Variants in WBP2NL observed in about 807,000 individuals in gnomAD.
The protein encoded by WBP2NL is postacrosomal sheath WW domain-binding protein.
WBP2NL carries 27 observed loss-of-function variants against 23.3 expected under a neutral mutation model. That is an observed-to-expected ratio of 1.16 (90% CI 0.85 to 1.60). The LOEUF (loss-of-function observed/expected upper bound fraction) is 1.60. WBP2NL is among the 40% of genes most tolerant of loss of function. The probability of loss-of-function intolerance (pLI) is 0.00; values close to 1 mark genes in which losing one functional copy is unlikely to be tolerated. For synonymous variants in WBP2NL, 151 were observed against 145.9 expected, an observed-to-expected ratio of 1.03 and a Z score of -0.25; for missense variants, 370 against 389.5, an observed-to-expected ratio of 0.95 and a Z score of 0.42.
intron 8 of WBP2NL, among the ~76,000 whole-genome samples, chr22:42,042,142 G>A (rs1370635900): frequency 6.6e-6 from 1 of 152,166 alleles, no homozygotes; most frequent in African/African-American, 2.4e-5. Context: ...TCTTGTTGTA[G>A]ACTTGTGTTC....
intron 2 of WBP2NL, 26 bp downstream of exon 2, chr22:42,019,445 G>C (rs1295754945): frequency 6.3e-7 from 1 of 1,599,768 alleles, no homozygotes; most frequent in Non-Finnish European, 8.5e-7. Flanking sequence ...ACTTTAATCT[G>C]CTGATTAACT....
chr22:42,044,075 G>A (rs1161991689), intron 8 of WBP2NL, among the ~76,000 whole-genome samples: 1 of 152,254 alleles, frequency 6.6e-6, no homozygotes, highest in South Asian at 2.1e-4. Flanking sequence ...TTCCTTCTCT[G>A]TTGCCTCAGA....
intron 8 of WBP2NL, among the ~76,000 whole-genome samples, chr22:42,056,133 A>T (rs1926019358): frequency 6.6e-6 from 1 of 152,028 alleles, no homozygotes; most frequent in Admixed American, 6.6e-5. Flanking sequence ...TTTGTGTTAG[A>T]CATTTTATTT....
In WBP2NL at chr22:42,054,159, T is replaced by C. The variant is rs185311855; in HGVS notation, c.*274-4131T>C. Among the ~76,000 whole-genome samples the C allele has an allele frequency of 5.2e-3, 785 of 152,106 alleles. 3 individuals are homozygous for C. Among genetic ancestry groups the C allele is most frequent in the Non-Finnish European group, 8.2e-3 (555 of 67,984 alleles). ...TTGAATTTTGATCAAGTCCAACTTA[T>C]CTATTTTTTTTGATTGCTTCTGATT... On this transcript the variant is annotated intron_variant and NMD_transcript_variant, in intron 8 of 8. Coordinates refer to the WBP2NL transcript ENST00000436265.
intron 3 of WBP2NL, 49 bp from the exon 4 acceptor site, chr22:42,019,955 T>G (rs1171370926): frequency 6.2e-7 from 1 of 1,602,134 alleles, no homozygotes; most frequent in African/African-American, 1.3e-5. Flanking sequence ...GTCTTTCTGT[T>G]GTCAGCTATG....
chr22:42,050,711 AC>A (rs147923676), intron 8 of WBP2NL, among the ~76,000 whole-genome samples: 3,048 of 152,192 alleles, frequency 0.02, 113 homozygotes, highest in African/African-American at 0.069. Flanking sequence ...CAGACACCTC[AC>A]CAAAGAAGAT....
intron 8 of WBP2NL, among the ~76,000 whole-genome samples, chr22:42,042,681 G>A (rs1389732332): frequency 6.6e-6 from 1 of 152,168 alleles, no homozygotes. Flanking sequence ...TTTACTAGAA[G>A]CTTATTTTCT....
At chr22:42,004,595 T>G (rs1275230084) in intron 1 of WBP2NL, among the ~76,000 whole-genome samples, 1 of 152,042 alleles carries the variant, frequency 6.6e-6, no homozygotes, top group East Asian at 1.9e-4. Context: ...AGTGAGACCC[T>G]GTCTCAAAAA....
chr22:42,057,842 T>C (rs7291699), intron 8 of WBP2NL, among the ~76,000 whole-genome samples: 2 of 96,814 alleles, frequency 2.1e-5, no homozygotes, highest in East Asian at 4.3e-4. Flanking sequence ...TATATATATA[T>C]ATATACACAT....
chr22:42,014,475 C>T (rs1297807288), intron 1 of WBP2NL, among the ~76,000 whole-genome samples: 1 of 152,180 alleles, frequency 6.6e-6, no homozygotes, highest in Non-Finnish European at 1.5e-5. Flanking sequence ...ATTCTGCCCA[C>T]TGTGGCCTCC....
chr22:42,007,854 A>G (rs553504109), intron 1 of WBP2NL, among the ~76,000 whole-genome samples: 80 of 152,122 alleles, frequency 5.3e-4, no homozygotes, highest in Non-Finnish European at 9.1e-4. Flanking sequence ...TAGTGCTGCT[A>G]TCAACATAAG....
At chr22:42,019,537 A>G in intron 2 of WBP2NL, 118 bp downstream of exon 2, 2 of 1,534,032 alleles carry the variant, frequency 1.3e-6, no homozygotes, top group Non-Finnish European at 1.8e-6. Context: ...GGGATTTTCC[A>G]CACTGAAGGG....
downstream of WBP2NL, among the ~76,000 whole-genome samples, chr22:42,035,640 A>C (rs1252077013): frequency 6.6e-6 from 1 of 151,960 alleles, no homozygotes; most frequent in Non-Finnish European, 1.5e-5. Flanking sequence ...TTTGTCTCTT[A>C]AATTATTTTG....
intron 1 of WBP2NL, among the ~76,000 whole-genome samples, chr22:42,017,058 T>C (rs891030324): frequency 2.0e-5 from 3 of 152,216 alleles, no homozygotes; most frequent in African/African-American, 7.2e-5. Flanking sequence ...TGCACCTCCA[T>C]GAATGCTGTT....
In WBP2NL at chr22:42,019,406, T is replaced by A; in HGVS notation, c.158T>A (p.Leu53His). Residue 53 changes from leucine (L) to histidine (H), a missense_variant, in exon 2 of 6, where the codon CTC (leucine) becomes CAC (histidine). Transcript: ENST00000328823. ...GGTAGAAAGACAGGAACATTGTTTCTCACTTCATACCGGGTAATTTCTACT... is the reference window on the plus strand; with the variant it reads ...GGTAGAAAGACAGGAACATTGTTTCACACTTCATACCGGGTAATTTCTACT... ...FSGRKTGTLF[L>H]TSYRVIFITS... The A allele has an allele frequency of 6.2e-7, 1 of 1,614,062 alleles. No individual in the cohort carries two copies.
At chr22:42,013,530 G>A (rs2146774650) in intron 1 of WBP2NL, among the ~76,000 whole-genome samples, 1 of 152,296 alleles carries the variant, frequency 6.6e-6, no homozygotes, top group South Asian at 2.1e-4. Context: ...GCATGTCAGT[G>A]TGGAACTGAG....
chr22:42,028,288 C>G lies in WBP2NL; in HGVS notation c.*1107C>G, dbSNP rs1924685321. On this transcript the variant is annotated 3_prime_UTR_variant, in exon 6 of 6. Transcript: ENST00000328823. ...TTTTCAGCCTCATCAGACTGAATGC[C>G]CCATTTTATAACAAATATTTATATT... 2 of 388,402 alleles carry G rather than the reference C, an allele frequency of 5.1e-6. No individual in the cohort carries two copies. Among genetic ancestry groups the G allele is most frequent in the Non-Finnish European group, 9.1e-6 (2 of 220,722 alleles). 24.1% of individuals were successfully genotyped at this position (388,402 alleles called of 1,614,324 possible).
chr22:42,008,767 C>G (rs1922534012), intron 1 of WBP2NL, among the ~76,000 whole-genome samples: 2 of 151,678 alleles, frequency 1.3e-5, no homozygotes, highest in Non-Finnish European at 1.5e-5. Flanking sequence ...ACCACCACAC[C>G]TGGCTAATTT....
chr22:42,029,172 GC>G (rs1924758204), downstream of WBP2NL, among the ~76,000 whole-genome samples: 1 of 152,018 alleles, frequency 6.6e-6, no homozygotes, highest in Non-Finnish European at 1.5e-5. Context: ...TACATTAGTA[GC>G]CAGGTGTGGT....
Sources: gnomAD v4.1 joint callset for allele counts (sites outside exome capture counted in the v4.1 genomes callset) on GRCh38, gnomAD v4.1.1 for gene constraint, MANE v1.5 for transcripts, NCBI Gene and HGNC (gene_info 2026-07-23, HGNC 2026-07-21) for gene names.